Variants in MBTD1 observed in about 807,000 individuals in gnomAD.
MBTD1 encodes mbt domain containing 1.
A neutral mutation model predicts 87.8 loss-of-function variants in MBTD1; 24 were observed. The observed-to-expected ratio is 0.27, with a 90% CI of 0.20 to 0.38. The LOEUF (loss-of-function observed/expected upper bound fraction) is 0.38, where lower values mean the gene tolerates loss of function less well. Ranked by LOEUF, MBTD1 falls within the 10% of genes least tolerant of loss-of-function variation. The pLI, the probability that MBTD1 is intolerant of heterozygous loss-of-function variation, is 1.00. For synonymous variants in MBTD1, 237 were observed against 248.6 expected, an observed-to-expected ratio of 0.95 and a Z score of 0.44; for missense variants, 436 against 760.2, an observed-to-expected ratio of 0.57 and a Z score of 5.02.
At chr17:51,215,641 G>T (rs963461568) in intron 6 of MBTD1, among the ~76,000 whole-genome samples, 1 of 152,146 alleles carries the variant, frequency 6.6e-6, no homozygotes, top group African/African-American at 2.4e-5. Context: ...CTTTAAAGCT[G>T]CTATTGCTGT....
rs1568138366 is a variant in MBTD1 at position 51,180,697 on chromosome 17, GAATGA to G, written c.1769-8_1769-4del. ...CTCCTTCAGCTGCAGTGTTGTCACT[GAATGA>G]AAGAGAGAGAAACATATGGGCATTA... is the stretch of plus-strand genomic sequence containing the variant. On this transcript the variant is annotated splice_region_variant and splice_polypyrimidine_tract_variant and intron_variant, in intron 16 of 16. Coordinates refer to ENST00000586178, the MANE Select transcript of MBTD1 (RefSeq NM_017643.3). The G allele has an allele frequency of 3.4e-6, 5 of 1,471,628 alleles. No individual in the cohort carries two copies. The Admixed American group carries it at 9.8e-5, about 29-fold the overall frequency. The allele number at this position is 1,471,628 out of a possible 1,614,324, so 91.2% of individuals were successfully genotyped here. A position where few individuals can be genotyped will look rare whatever the true frequency, so the allele number is the denominator to read the frequency against.
upstream of MBTD1, chr17:51,260,618 G>C: frequency 6.2e-7 from 1 of 1,612,720 alleles, no homozygotes; most frequent in Non-Finnish European, 8.5e-7. Context: ...AATGAAACTG[G>C]ACCGGAGAAC....
At position 51,179,806 on chromosome 17, in the gene MBTD1, A is replaced by G. The variant is rs1057339955; in HGVS notation, c.*770T>C. ...AGGAAAATAAACTAAGGACAACATT[A>G]CATTTTCCCCAACCCCTCAATGTGT... On this transcript the variant is annotated 3_prime_UTR_variant, in exon 17 of 17. Transcript: ENST00000586178. 4.6e-5 allele frequency: 7 copies of G among 152,044 alleles called. No homozygotes were observed. Among genetic ancestry groups the G allele is most frequent in the African/African-American group, 1.7e-4 (7 of 41,514 alleles). 9.4% of individuals were successfully genotyped at this position (152,044 alleles called of 1,614,324 possible).
At chr17:51,241,137 G>A (rs1263078117) in intron 2 of MBTD1, among the ~76,000 whole-genome samples, 1 of 151,972 alleles carries the variant, frequency 6.6e-6, no homozygotes, top group Non-Finnish European at 1.5e-5. Flanking sequence ...ACCTCACCCA[G>A]CTAATTTTTG....
Position 51,180,605 on chromosome 17 carries a change from C to T in MBTD1, c.1858G>A (p.Ala620Thr). The change falls in exon 17 of 17, where the codon GCC (alanine) becomes ACC (threonine). Residue 620 changes from alanine to threonine, a missense_variant. Ala to Thr is a moderately conservative substitution (Grantham distance 58). Coordinates refer to ENST00000586178, the MANE Select transcript of MBTD1 (RefSeq NM_017643.3). ...GGCTCTTGTTTGATGTAGAAGTTGG[C>T]AGAGCCATTGCTTTCCTGATCAGAC... The part of the protein sequence containing the change: ...GASDQESNGS[A>T]NFYIKQEP 1 of 1,549,988 alleles carries T rather than the reference C, an allele frequency of 6.5e-7. No homozygotes were observed. The highest frequency in any genetic ancestry group is 1.2e-5 in the South Asian group (1 of 83,956).
rs375835459 is a variant in MBTD1, at chr17:51,197,095, T to G, written c.1225-1734A>C. Among the ~76,000 whole-genome samples the G allele has an allele frequency of 2.0e-4, 3 of 15,188 alleles. No homozygotes were observed. In the Admixed American group the frequency reaches 2.8e-3, roughly 14 times the overall value. 10.0% of individuals were successfully genotyped at this position (15,188 alleles called of 152,430 possible). A position where few individuals can be genotyped will look rare whatever the true frequency, so the allele number is the denominator to read the frequency against. On this transcript the variant is annotated intron_variant, in intron 12 of 16. Coordinates refer to ENST00000586178, the MANE Select transcript of MBTD1 (RefSeq NM_017643.3). ...ATATATATATATATATATATATATA[T>G]ATATATATATATATATATATATGGA...
chr17:51,206,778 T>A, intron 7 of MBTD1, 110 bp downstream of exon 7: 1 of 714,386 alleles, frequency 1.4e-6, no homozygotes, highest in Non-Finnish European at 2.4e-6. Flanking sequence ...CCCTATATCA[T>A]AACATATTTT....
chr17:51,194,827 T>G (rs1227058658), intron 13 of MBTD1, among the ~76,000 whole-genome samples: 1 of 150,850 alleles, frequency 6.6e-6, no homozygotes, highest in African/African-American at 2.4e-5. Flanking sequence ...GGAGTTGAAG[T>G]TACCGTGAGC....
At chr17:51,187,626 G>C (rs920697207) in intron 16 of MBTD1, among the ~76,000 whole-genome samples, 1 of 151,980 alleles carries the variant, frequency 6.6e-6, no homozygotes, top group Non-Finnish European at 1.5e-5. Context: ...GAGGCAGGTG[G>C]ATCACTTGAG....
chr17:51,192,654 TTACCTGG>T, intron 15 of MBTD1, 121 bp downstream of exon 15: 1 of 1,511,018 alleles, frequency 6.6e-7, no homozygotes, highest in Non-Finnish European at 8.8e-7. Flanking sequence ...TCTTAATGTC[TTACCTGG>T]CAACCAATCA....
intron 2 of MBTD1, chr17:51,249,673 G>A (rs934340785): frequency 6.6e-6 from 1 of 151,908 alleles, no homozygotes; most frequent in African/African-American, 2.4e-5. Context: ...ATTATGTACT[G>A]TATACTTTTT....
chr17:51,236,708 T>A (rs1458918042), intron 2 of MBTD1, among the ~76,000 whole-genome samples: 3 of 152,130 alleles, frequency 2.0e-5, no homozygotes, highest in Non-Finnish European at 4.4e-5. Flanking sequence ...TCTGTTTGCT[T>A]ATATATCTAT....
At chr17:51,260,117 T>A, upstream of MBTD1, 2 of 352,706 alleles carry the variant, frequency 5.7e-6, no homozygotes. Context: ...CTTCCCTACA[T>A]ACCCTCCTCT....
At chr17:51,233,448 A>G (rs2053654306) in intron 2 of MBTD1, among the ~76,000 whole-genome samples, 1 of 152,194 alleles carries the variant, frequency 6.6e-6, no homozygotes, top group African/African-American at 2.4e-5. Flanking sequence ...AGAGAACAAG[A>G]TAGACCTTGG....
chr17:51,233,883 A>G (rs557576465), intron 2 of MBTD1, among the ~76,000 whole-genome samples: 1 of 152,300 alleles, frequency 6.6e-6, no homozygotes, highest in South Asian at 2.1e-4. Context: ...CAACAGCAAG[A>G]CTGATCAATG....
chr17:51,239,527 G>A (rs2143992290), intron 2 of MBTD1, among the ~76,000 whole-genome samples: 1 of 152,222 alleles, frequency 6.6e-6, no homozygotes, highest in East Asian at 1.9e-4. Context: ...ATTAATGAAT[G>A]GTTTATATGC....
At chr17:51,244,091 C>T (rs564997440) in intron 2 of MBTD1, among the ~76,000 whole-genome samples, 2 of 152,292 alleles carry the variant, frequency 1.3e-5, no homozygotes, top group East Asian at 3.9e-4. Flanking sequence ...AATCGGCAAC[C>T]TCAGGGACAC....
At chr17:51,227,726 G>A (rs1435841161) in intron 2 of MBTD1, among the ~76,000 whole-genome samples, 1 of 152,094 alleles carries the variant, frequency 6.6e-6, no homozygotes, top group Non-Finnish European at 1.5e-5. Flanking sequence ...GAGGCGGGGA[G>A]ATCACCTGAG....
At chr17:51,241,927 A>T (rs2054183719) in intron 2 of MBTD1, among the ~76,000 whole-genome samples, 1 of 152,182 alleles carries the variant, frequency 6.6e-6, no homozygotes, top group Non-Finnish European at 1.5e-5. Context: ...ATACTGTCCC[A>T]GAGTAGGCCA....
Sources: gnomAD v4.1 joint callset for allele counts (sites outside exome capture counted in the v4.1 genomes callset) on GRCh38, gnomAD v4.1.1 for gene constraint, MANE v1.5 for transcripts, NCBI Gene and HGNC (gene_info 2026-07-23, HGNC 2026-07-21) for gene names.